Variants in CNDP1 observed in about 807,000 individuals in gnomAD.
The protein encoded by CNDP1 is carnosine dipeptidase 1, also known as beta-Ala-His dipeptidase.
Under a neutral mutation model 58.1 loss-of-function variants are expected in CNDP1, and 44 were observed. The observed-to-expected ratio is 0.76, with a 90% CI of 0.60 to 0.97. The LOEUF is 0.97. CNDP1 is among the 50% of genes least tolerant of loss of function. The probability of loss-of-function intolerance (pLI) is 0.00; values close to 1 mark genes in which losing one functional copy is unlikely to be tolerated. For synonymous variants in CNDP1, 254 were observed against 252.6 expected (o/e 1.01, Z -0.05); for missense variants, 616 against 655.1 (o/e 0.94, Z 0.65).
At chr18:74,583,982 A>T in intron 11 of CNDP1, 1 of 428,938 alleles carries the variant, frequency 2.3e-6, no homozygotes, top group Non-Finnish European at 4.2e-6. Flanking sequence ...TTTTTATAAG[A>T]GCACCAGACC....
At chr18:74,579,189 CCT>C (rs1981717839) in intron 9 of CNDP1, among the ~76,000 whole-genome samples, 10 of 58,492 alleles carry the variant, frequency 1.7e-4, no homozygotes, top group Non-Finnish European at 2.5e-4. Context: ...TTCTCCCTTT[CCT>C]TCCCTTCCCT....
intron 1 of CNDP1, among the ~76,000 whole-genome samples, chr18:74,548,081 C>G (rs147893072): frequency 2.0e-5 from 3 of 152,198 alleles, no homozygotes; most frequent in Non-Finnish European, 4.4e-5. Flanking sequence ...CCCCAGCCCC[C>G]GCAAGCGCAA....
At chr18:74,540,321 C>T (rs1199468361) in intron 1 of CNDP1, among the ~76,000 whole-genome samples, 2 of 152,124 alleles carry the variant, frequency 1.3e-5, no homozygotes, top group African/African-American at 2.4e-5. Context: ...CCACACCCAA[C>T]TAATTTTTGT....
At position 74,545,101 on chromosome 18, in the gene CNDP1, G is replaced by A. The variant is rs1458507819; in HGVS notation, c.24+10410G>A. 6.6e-6 allele frequency among the ~76,000 whole-genome samples: 1 copy of A among 152,204 alleles called. No individual in the cohort carries two copies. The highest frequency in any genetic ancestry group is 1.9e-4 in the East Asian group (1 of 5,198). On this transcript the variant is annotated intron_variant, in intron 1 of 11. Transcript: ENST00000358821. The surrounding 1 kb of genome is among the most constrained non-coding windows in gnomAD (Gnocchi z 4.1). ...AGACGGAGCCCAGCCCTGCCAACAC[G>A]TGATTTAGGTTTCTGGCCTCTAAAA... is the stretch of plus-strand genomic sequence containing the variant.
Position 74,561,711 on chromosome 18 carries a change from G to A in CNDP1, c.467-336G>A, listed in dbSNP as rs1239679838. On this transcript the variant is annotated intron_variant, in intron 4 of 11. Transcript: ENST00000358821. Reference sequence around the variant, plus strand: ...CCCAAATGAGAGGCTATGCCACGTGGCACTCTGCAACAAATCCCCGGTGGG... The same window carrying A: ...CCCAAATGAGAGGCTATGCCACGTGACACTCTGCAACAAATCCCCGGTGGG... 1.8e-5 allele frequency: 4 copies of A among 224,800 alleles called. No individual in the cohort carries two copies. In the East Asian group the frequency reaches 3.6e-4, roughly 20 times the overall value. 13.9% of individuals were successfully genotyped at this position (224,800 alleles called of 1,614,324 possible).
At chr18:74,573,429 C>T (rs543073227) in intron 7 of CNDP1, among the ~76,000 whole-genome samples, 2 of 22,324 alleles carry the variant, frequency 9.0e-5, no homozygotes, top group Non-Finnish European at 1.5e-4. Context: ...TCCATCCATC[C>T]AACTATCTAT....
intron 3 of CNDP1, among the ~76,000 whole-genome samples, chr18:74,560,007 A>ATTT (rs1599093743): frequency 7.8e-5 from 4 of 51,138 alleles, no homozygotes; most frequent in Non-Finnish European, 1.5e-4. Flanking sequence ...TGTCATCTGC[A>ATTT]TTCTTTTTTT....
chr18:74,535,417 T>C (rs1980461824), intron 1 of CNDP1, among the ~76,000 whole-genome samples: 1 of 152,204 alleles, frequency 6.6e-6, no homozygotes, highest in South Asian at 2.1e-4. Context: ...AATGCGAGGC[T>C]GGAGACACAG....
At chr18:74,563,806 G>A (rs930607155) in intron 5 of CNDP1, among the ~76,000 whole-genome samples, 2 of 152,184 alleles carry the variant, frequency 1.3e-5, no homozygotes, top group South Asian at 2.1e-4. Flanking sequence ...AAACTGCCAA[G>A]GGGAGGCTTG....
intron 1 of CNDP1, among the ~76,000 whole-genome samples, chr18:74,549,464 G>C (rs2144645956): frequency 6.6e-6 from 1 of 151,970 alleles, no homozygotes; most frequent in African/African-American, 2.4e-5. Context: ...GCCTCAAAGA[G>C]TGAGTTTATA....
At chr18:74,582,666 A>C (rs1981817196) in intron 10 of CNDP1, among the ~76,000 whole-genome samples, 1 of 152,224 alleles carries the variant, frequency 6.6e-6, no homozygotes. Flanking sequence ...GATAAGCTTC[A>C]AGATGGTCAA....
Position 74,540,505 on chromosome 18 carries a change from C to T in CNDP1, c.24+5814C>T, listed in dbSNP as rs1037372436. Among the ~76,000 whole-genome samples the T allele has an allele frequency of 2.6e-5, 4 of 152,156 alleles. No homozygotes were observed. The South Asian group carries it at 8.3e-4, about 32-fold the overall frequency. On this transcript the variant is annotated intron_variant, in intron 1 of 11. Transcript: ENST00000358821. Reference sequence around the variant, plus strand: ...TGACCTTGAGTGCCTGGAATGGGCACCCTGCCTCAGCCTGGCCCCCTGTAT... The same window carrying T: ...TGACCTTGAGTGCCTGGAATGGGCATCCTGCCTCAGCCTGGCCCCCTGTAT...
At chr18:74,574,312 G>C (rs187580107) in intron 7 of CNDP1, among the ~76,000 whole-genome samples, 101 of 152,352 alleles carry the variant, frequency 6.6e-4, no homozygotes, top group Non-Finnish European at 5.3e-4. Flanking sequence ...TGTCTGAAAA[G>C]GGGCTTAGTA....
intron 6 of CNDP1, among the ~76,000 whole-genome samples, chr18:74,570,222 T>TAATAATAAC (rs1568298340): frequency 8.6e-6 from 1 of 115,788 alleles, no homozygotes; most frequent in African/African-American, 3.7e-5. Context: ...TAATAATTAA[T>TAATAATAAC]AATAATAATA....
chr18:74,568,317 C>T (rs1339927615), intron 6 of CNDP1, among the ~76,000 whole-genome samples: 1 of 152,120 alleles, frequency 6.6e-6, no homozygotes, highest in Non-Finnish European at 1.5e-5. Context: ...ATGCTAAGTC[C>T]CAGGGGTATA....
chr18:74,541,132 G>A (rs549197972), intron 1 of CNDP1, among the ~76,000 whole-genome samples: 3 of 152,334 alleles, frequency 2.0e-5, no homozygotes, highest in African/African-American at 7.2e-5. Flanking sequence ...AAGTGGAGGG[G>A]GAAATGGGGC....
At chr18:74,556,537 A>G in intron 2 of CNDP1, 71 bp downstream of exon 2, 9 of 1,576,928 alleles carry the variant, frequency 5.7e-6, no homozygotes, top group Non-Finnish European at 6.9e-6. Flanking sequence ...GGGTGAGACA[A>G]TTATTTGCTT....
At chr18:74,561,553 A>G (rs926666812) in intron 4 of CNDP1, 2 of 156,600 alleles carry the variant, frequency 1.3e-5, no homozygotes, top group African/African-American at 4.8e-5. Context: ...GTTGTGAGGA[A>G]AACAGTTGTC....
intron 1 of CNDP1, among the ~76,000 whole-genome samples, chr18:74,538,459 T>C (rs1980537387): frequency 6.6e-6 from 1 of 152,246 alleles, no homozygotes; most frequent in African/African-American, 2.4e-5. Flanking sequence ...GTGGGTTGTT[T>C]CCACCATTCG....
Sources: allele counts gnomAD v4.1 joint callset (sites outside exome capture counted in the v4.1 genomes callset), GRCh38; gene constraint gnomAD v4.1.1; non-coding constraint Gnocchi (gnomAD v3.1); transcripts MANE v1.5; gene names NCBI Gene and HGNC (gene_info 2026-07-23, HGNC 2026-07-21).